Variants in MAN2B1 observed in about 807,000 individuals in gnomAD.
The protein encoded by MAN2B1 is lysosomal alpha-mannosidase.
In MAN2B1, 99 loss-of-function variants were observed where a neutral mutation model predicts 127.5. The observed-to-expected ratio is 0.78, with a 90% CI of 0.66 to 0.92. The LOEUF is 0.92. MAN2B1 is among the 40% of genes least tolerant of loss of function. The probability of loss-of-function intolerance (pLI) is 0.00; values close to 1 mark genes in which losing one functional copy is unlikely to be tolerated. For missense variants in MAN2B1, 1,304 were observed against 1,384.8 expected (o/e 0.94, Z 0.93); for synonymous variants, 573 against 568.8 (o/e 1.01, Z -0.11).
Position 12,648,252 on chromosome 19 carries a change from C to A in MAN2B1, c.2587G>T (p.Glu863Ter). 6.2e-7 allele frequency: 1 copy of A among 1,601,664 alleles called. No individual in the cohort carries two copies. The highest frequency in any genetic ancestry group is 8.5e-7 in the Non-Finnish European group (1 of 1,177,168). Residue 863 changes from glutamate to a stop codon, truncating the protein, a stop_gained, in exon 21 of 24, where the codon GAG (glutamate) becomes TAG (stop). Transcript: ENST00000456935. LOFTEE classifies it high-confidence loss of function. ...AAGHRLLAEQ[E>*]VLAPQVVLAP... ...AGCACCACCTGAGGGGCCAGGACCT[C>A]CTGCTCCGCCAGGAGCCGGTGTCCG...
chr19:12,647,342 G>T lies in MAN2B1; in HGVS notation c.2821-7C>A, dbSNP rs2023713165. ...TGAAGGTGGAGAACAGGTCCTGCGG[G>T]GAAGGGGATGGGCCCAGATGAGTTG... On this transcript the variant is annotated splice_region_variant and splice_polypyrimidine_tract_variant and intron_variant, in intron 22 of 23. Coordinates refer to ENST00000456935, the MANE Select transcript of MAN2B1 (RefSeq NM_000528.4). This position sits in a 1 kb window ranked among gnomAD's most constrained non-coding sequence, Gnocchi z 4.9. 6.2e-7 allele frequency: 1 copy of T among 1,613,740 alleles called. No individual in the cohort carries two copies. Among genetic ancestry groups the T allele is most frequent in the Non-Finnish European group, 8.5e-7 (1 of 1,179,622 alleles).
rs530614836 is a variant in MAN2B1, at chr19:12,653,496, C to T, written c.1831-1036G>A. Among the ~76,000 whole-genome samples the T allele has an allele frequency of 1.5e-3, 232 of 152,054 alleles. 1 individual carries two copies. The highest frequency in any genetic ancestry group is 5.4e-3 in the African/African-American group (224 of 41,508). Reference sequence around the variant, plus strand: ...TTTTAGGGCCGAGCGTGGTGGCTCACACCTGTAATCCCAGAACTTTGGGAG... The same window carrying T: ...TTTTAGGGCCGAGCGTGGTGGCTCATACCTGTAATCCCAGAACTTTGGGAG... On this transcript the variant is annotated intron_variant, in intron 14 of 23. Coordinates refer to ENST00000456935, the MANE Select transcript of MAN2B1 (RefSeq NM_000528.4).
intron 6 of MAN2B1, 33 bp downstream of exon 6, chr19:12,663,284 A>G: frequency 1.2e-6 from 2 of 1,613,408 alleles, no homozygotes; most frequent in Non-Finnish European, 1.7e-6. Flanking sequence ...TATTGTATAT[A>G]CCGGACTCGA....
chr19:12,655,333 C>T (rs2023930786), intron 14 of MAN2B1, among the ~76,000 whole-genome samples: 1 of 152,180 alleles, frequency 6.6e-6, no homozygotes, highest in Admixed American at 6.6e-5. Flanking sequence ...ATTCTCTCCC[C>T]ACCTGGATCT....
intron 17 of MAN2B1, 39 bp from the exon 18 acceptor site, chr19:12,650,053 A>G (rs766842420): frequency 1.9e-6 from 3 of 1,610,506 alleles, no homozygotes; most frequent in South Asian, 2.2e-5. Context: ...AGCCTTGGAT[A>G]AACCCCTCTG....
intron 18 of MAN2B1, among the ~76,000 whole-genome samples, 169 bp from the exon 19 acceptor site, chr19:12,649,597 T>G (rs1394881976): frequency 6.7e-6 from 1 of 150,206 alleles, no homozygotes; most frequent in Non-Finnish European, 1.5e-5. Flanking sequence ...TTCTCCTGCC[T>G]CAGCCTCCCG....
intron 16 of MAN2B1, among the ~76,000 whole-genome samples, chr19:12,650,515 C>T (rs2023819376): frequency 6.6e-6 from 1 of 151,650 alleles, no homozygotes; most frequent in African/African-American, 2.4e-5. Context: ...CCCGCCACCA[C>T]ACCCGGCTAA....
chr19:12,659,823 A>C (rs2024061717), intron 7 of MAN2B1, among the ~76,000 whole-genome samples: 1 of 151,840 alleles, frequency 6.6e-6, no homozygotes, highest in African/African-American at 2.4e-5. Context: ...TTGTCTCAAT[A>C]AATAAATAAA....
At chr19:12,657,684 G>A in intron 10 of MAN2B1, 129 bp from the exon 11 acceptor site, 1 of 847,052 alleles carries the variant, frequency 1.2e-6, no homozygotes, top group South Asian at 1.4e-5. Flanking sequence ...GACGGCTGGG[G>A]GCGGTGGCTC....
At chr19:12,666,419 G>T in intron 1 of MAN2B1, 124 bp downstream of exon 1, 1 of 1,117,126 alleles carries the variant, frequency 9.0e-7, no homozygotes, top group South Asian at 1.4e-5. Context: ...CACGCACTCA[G>T]ACCACACTGT....
Position 12,652,208 on chromosome 19 carries a change from G to A in MAN2B1, c.1991C>T (p.Pro664Leu), listed in dbSNP as rs766373307. 3.1e-6 allele frequency: 5 copies of A among 1,614,126 alleles called. No homozygotes were observed. In the South Asian group the frequency reaches 3.3e-5, roughly 11 times the overall value. ...CACAGGCAGCGGTTTCTGTTGGTTGGGTCTGAAGATGTAGGCACCTGAGGC... is the reference window on the plus strand; with the variant it reads ...CACAGGCAGCGGTTTCTGTTGGTTGAGTCTGAAGATGTAGGCACCTGAGGC... The part of the protein sequence containing the change: ...DQASGAYIFR[P>L]NQQKPLPVSR... Residue 664 changes from proline to leucine, a missense_variant, in exon 16 of 24, where the codon CCC becomes CTC. Transcript: ENST00000456935.
intron 14 of MAN2B1, among the ~76,000 whole-genome samples, 158 bp downstream of exon 14, chr19:12,655,536 G>A (rs930982072): frequency 2.6e-5 from 4 of 152,294 alleles, no homozygotes; most frequent in African/African-American, 9.6e-5. Flanking sequence ...AGGACACTGA[G>A]GCTCAGACAA....
chr19:12,652,785 GC>G (rs1280323393), intron 14 of MAN2B1, among the ~76,000 whole-genome samples: 1 of 151,806 alleles, frequency 6.6e-6, no homozygotes, highest in East Asian at 1.9e-4. Flanking sequence ...GCTCACCTTG[GC>G]CTCCCAAAGT....
chr19:12,650,830 T>A (rs1328968847), intron 16 of MAN2B1, among the ~76,000 whole-genome samples: 1 of 151,646 alleles, frequency 6.6e-6, no homozygotes, highest in African/African-American at 2.4e-5. Context: ...CCACCACCCC[T>A]GGCTAATTTT....
intron 6 of MAN2B1, among the ~76,000 whole-genome samples, chr19:12,661,987 G>C (rs1035240030): frequency 2.6e-5 from 4 of 152,118 alleles, no homozygotes; most frequent in African/African-American, 9.7e-5. Flanking sequence ...TGGGATTACA[G>C]GCGTGCGCCA....
rs2024218273 is a variant in MAN2B1 at position 12,665,737 on chromosome 19, G to A, written c.228C>T (p.Gly76=). The change falls in exon 2 of 24, where the codon GGC becomes GGT. Residue 76 remains glycine (G), a synonymous_variant. Transcript: ENST00000456935. ...HLLPHTHDDV[G]WLKTVDQYFY... ...AGTACTGGTCCACGGTTTTGAGCCAGCCCACGTCATCATGTGTGTGAGGCA... is the reference window on the plus strand; with the variant it reads ...AGTACTGGTCCACGGTTTTGAGCCAACCCACGTCATCATGTGTGTGAGGCA... 8 of 1,614,074 alleles carry A rather than the reference G, an allele frequency of 5.0e-6. No homozygotes were observed. Among genetic ancestry groups the A allele is most frequent in the African/African-American group, 1.3e-5 (1 of 74,926 alleles).
At chr19:12,662,124 C>T (rs574766900) in intron 6 of MAN2B1, among the ~76,000 whole-genome samples, 14 of 152,020 alleles carry the variant, frequency 9.2e-5, no homozygotes, top group Middle Eastern at 3.4e-3. Flanking sequence ...GGATTATAGG[C>T]GTGAGCCACC....
At chr19:12,656,129 AC>A in intron 13 of MAN2B1, 1 of 364,098 alleles carries the variant, frequency 2.7e-6, no homozygotes, top group Non-Finnish European at 4.9e-6. Context: ...AGGGGAAGAA[AC>A]CCTTGAGGCA....
chr19:12,666,005 G>A (rs2024226584), intron 1 of MAN2B1, among the ~76,000 whole-genome samples, 200 bp from the exon 2 acceptor site: 1 of 152,172 alleles, frequency 6.6e-6, no homozygotes, highest in Non-Finnish European at 1.5e-5. Flanking sequence ...CAACCCCACA[G>A]GGCAGCTCTC....
Sources: gnomAD v4.1 joint callset for allele counts (sites outside exome capture counted in the v4.1 genomes callset) on GRCh38, gnomAD v4.1.1 for gene constraint, Gnocchi (gnomAD v3.1) non-coding constraint, MANE v1.5 for transcripts, NCBI Gene and HGNC (gene_info 2026-07-23, HGNC 2026-07-21) for gene names.